ADGRL3: variants seen among roughly 807,000 people sequenced by gnomAD.
The protein encoded by ADGRL3 is adhesion G protein-coupled receptor L3.
ADGRL3 carries 62 observed loss-of-function variants against 153.5 expected under a neutral mutation model. The ratio of observed to expected loss-of-function variants is 0.40; its 90% CI spans 0.33 to 0.50. The LOEUF (loss-of-function observed/expected upper bound fraction) is 0.50. Among genes scored for constraint, ADGRL3 ranks in the 20% least tolerant of loss-of-function variants. The probability of loss-of-function intolerance (pLI) is 0.47; values close to 1 mark genes in which losing one functional copy is unlikely to be tolerated. For synonymous variants in ADGRL3, 710 were observed against 672.5 expected (o/e 1.06, Z -0.86); for missense variants, 1,641 against 1,859.4 (o/e 0.88, Z 2.16).
At chr4:62,060,338 A>T (rs1039452772) in intron 25 of ADGRL3, among the ~76,000 whole-genome samples, 5 of 151,974 alleles carry the variant, frequency 3.3e-5, no homozygotes, top group Non-Finnish European at 7.4e-5. Context: ...ATTAGTTCAA[A>T]TTAGATAATG....
At chr4:61,212,595 T>C (rs1453192342) in intron 1 of ADGRL3, among the ~76,000 whole-genome samples, 1 of 152,184 alleles carries the variant, frequency 6.6e-6, no homozygotes, top group East Asian at 1.9e-4. Context: ...CTATTATATG[T>C]ATTGTTTGGA....
At chr4:61,351,167 T>A (rs1246350468) in intron 1 of ADGRL3, among the ~76,000 whole-genome samples, 1 of 152,126 alleles carries the variant, frequency 6.6e-6, no homozygotes, top group Non-Finnish European at 1.5e-5. Context: ...GGATAGAAAA[T>A]CAAGGCAGCC....
intron 2 of ADGRL3, among the ~76,000 whole-genome samples, chr4:61,494,373 A>G (rs2098290297): frequency 6.6e-6 from 1 of 152,192 alleles, no homozygotes; most frequent in African/African-American, 2.4e-5. Flanking sequence ...GAGGAAGGCA[A>G]AAAAGGCACA....
rs1209520136 is a variant in ADGRL3 at position 62,073,484 on chromosome 4, C to T, written c.*2576C>T. ...TTTTTAGATGTGTTTATGGTAACTT[C>T]AGAAACACAAATGTGGTCTGTGGAT... On this transcript the variant is annotated 3_prime_UTR_variant, in exon 27 of 27. Transcript: ENST00000683033. The T allele has an allele frequency of 6.6e-6, 1 of 152,076 alleles. No homozygotes were observed. Among genetic ancestry groups the T allele is most frequent in the African/African-American group, 2.4e-5 (1 of 41,408 alleles). The allele number at this position is 152,076 out of a possible 1,614,324, so 9.4% of individuals were successfully genotyped here.
At chr4:61,397,043 A>T (rs991403546) in intron 2 of ADGRL3, among the ~76,000 whole-genome samples, 3 of 151,472 alleles carry the variant, frequency 2.0e-5, no homozygotes, top group African/African-American at 7.3e-5. Context: ...TATGATAAGT[A>T]TATATTTATA....
intron 9 of ADGRL3, among the ~76,000 whole-genome samples, chr4:61,886,396 A>T (rs2098538992): frequency 6.6e-6 from 1 of 152,048 alleles, no homozygotes; most frequent in South Asian, 2.1e-4. Flanking sequence ...TGGACTTTGG[A>T]TGTAAATGAA....
intron 1 of ADGRL3, among the ~76,000 whole-genome samples, chr4:61,289,424 T>C (rs1241939291): frequency 1.3e-5 from 2 of 152,060 alleles, no homozygotes; most frequent in African/African-American, 4.8e-5. Flanking sequence ...TTTGTTTCAC[T>C]GGTCACTTCC....
chr4:61,461,394 A>T (rs1453049163), intron 2 of ADGRL3, among the ~76,000 whole-genome samples: 1 of 152,204 alleles, frequency 6.6e-6, no homozygotes, highest in Non-Finnish European at 1.5e-5. Flanking sequence ...CTCAATACAA[A>T]GAAATAATAA....
rs1195877715 is a variant in ADGRL3 at position 61,539,527 on chromosome 4, CT to C, written c.259+22014del. Reference sequence around the variant, plus strand: ...CAAAAGTCAGAGTGTGCTCTGGGGTCTTTTTGTAGGGGATCAGGTGATGTGG... The same window carrying C: ...CAAAAGTCAGAGTGTGCTCTGGGGTCTTTTGTAGGGGATCAGGTGATGTGG... On this transcript the variant is annotated intron_variant, in intron 4 of 26. Coordinates refer to ENST00000683033, the MANE Select transcript of ADGRL3 (RefSeq NM_001387552.1). Among the ~76,000 whole-genome samples, 5 of 152,248 alleles carry C rather than the reference CT, an allele frequency of 3.3e-5. No individual in the cohort carries two copies. The East Asian group carries it at 9.7e-4, about 30-fold the overall frequency.
intron 5 of ADGRL3, among the ~76,000 whole-genome samples, chr4:61,603,569 C>T (rs1269441692): frequency 6.6e-6 from 1 of 152,074 alleles, no homozygotes; most frequent in Non-Finnish European, 1.5e-5. Flanking sequence ...GCTAGAACCA[C>T]GAGTATTTAA....
At chr4:61,384,268 C>T (rs967483779) in intron 2 of ADGRL3, among the ~76,000 whole-genome samples, 1 of 151,692 alleles carries the variant, frequency 6.6e-6, no homozygotes, top group Non-Finnish European at 1.5e-5. Flanking sequence ...AATGTTGTTC[C>T]TGTTTTACAG....
At chr4:61,337,071 G>A (rs2095693273) in intron 1 of ADGRL3, among the ~76,000 whole-genome samples, 1 of 151,370 alleles carries the variant, frequency 6.6e-6, no homozygotes, top group Admixed American at 6.6e-5. Flanking sequence ...TTTTTTTGCA[G>A]TTTCCTTGCC....
Position 61,675,148 on chromosome 4 carries a change from T to C in ADGRL3, c.474-1678T>C, listed in dbSNP as rs532553963. Among the ~76,000 whole-genome samples, 5 of 151,990 alleles carry C rather than the reference T, an allele frequency of 3.3e-5. 1 individual carries two copies. The East Asian group carries it at 7.7e-4, about 24-fold the overall frequency. On this transcript the variant is annotated intron_variant, in intron 5 of 26. Transcript: ENST00000683033. ...TAAAATCCTTATTAAGCCTGACAAATGGTAGCCTCAGGTAAACCCAACGTA... is the reference window on the plus strand; with the variant it reads ...TAAAATCCTTATTAAGCCTGACAAACGGTAGCCTCAGGTAAACCCAACGTA...
At chr4:61,877,742 G>C (rs1444476539) in intron 9 of ADGRL3, among the ~76,000 whole-genome samples, 1 of 152,040 alleles carries the variant, frequency 6.6e-6, no homozygotes, top group Non-Finnish European at 1.5e-5. Context: ...TTGTCTTCAC[G>C]TGGTCATCCT....
intron 12 of ADGRL3, among the ~76,000 whole-genome samples, chr4:61,911,036 T>C (rs1381084626): frequency 5.3e-5 from 8 of 152,250 alleles, no homozygotes; most frequent in Admixed American, 2.0e-4. Flanking sequence ...TCACAACCAG[T>C]TGCCTGATGG....
At chr4:61,355,937 CA>C (rs1227857756) in intron 1 of ADGRL3, among the ~76,000 whole-genome samples, 5 of 151,620 alleles carry the variant, frequency 3.3e-5, no homozygotes, top group African/African-American at 4.9e-5. Context: ...AATATGATTC[CA>C]GTTATTAATT....
At chr4:61,591,063 T>C (rs1161938504) in intron 5 of ADGRL3, among the ~76,000 whole-genome samples, 1 of 152,150 alleles carries the variant, frequency 6.6e-6, no homozygotes, top group East Asian at 1.9e-4. Flanking sequence ...TAATGTCACC[T>C]CAGAAAGCGC....
At chr4:61,874,255 C>T (rs1417208122) in intron 9 of ADGRL3, among the ~76,000 whole-genome samples, 1 of 152,130 alleles carries the variant, frequency 6.6e-6, no homozygotes, top group Non-Finnish European at 1.5e-5. Flanking sequence ...TCCTTGTAGA[C>T]TGTTAAACTA....
intron 8 of ADGRL3, among the ~76,000 whole-genome samples, chr4:61,739,150 T>G (rs1375482299): frequency 6.6e-6 from 1 of 152,144 alleles, no homozygotes; most frequent in Non-Finnish European, 1.5e-5. Flanking sequence ...TTTCTTAAAA[T>G]TTTAAATAAT....
Sources: allele counts gnomAD v4.1 joint callset (sites outside exome capture counted in the v4.1 genomes callset), GRCh38; gene constraint gnomAD v4.1.1; transcripts MANE v1.5; gene names NCBI Gene and HGNC (gene_info 2026-07-23, HGNC 2026-07-21).